The following SMYD3 variants were observed in gnomAD, a reference collection of about 807,000 sequenced individuals.
SMYD3 encodes histone-lysine N-methyltransferase SMYD3.
SMYD3 carries 36 observed loss-of-function variants against 57.7 expected under a neutral mutation model. The observed-to-expected ratio is 0.62, with a 90% CI of 0.48 to 0.82. The LOEUF (loss-of-function observed/expected upper bound fraction) is 0.82. Among genes scored for constraint, SMYD3 ranks in the 40% least tolerant of loss-of-function variants. The pLI is 0.00. For synonymous variants in SMYD3, 211 were observed against 195.0 expected, an observed-to-expected ratio of 1.08 and a Z score of -0.68; for missense variants, 515 against 538.8, an observed-to-expected ratio of 0.96 and a Z score of 0.44.
chr1:245,800,962 G>C (rs997880818), intron 10 of SMYD3, among the ~76,000 whole-genome samples: 1 of 152,184 alleles, frequency 6.6e-6, no homozygotes, highest in African/African-American at 2.4e-5. Flanking sequence ...TTTCATTACA[G>C]AATGTGGGGT....
intron 1 of SMYD3, among the ~76,000 whole-genome samples, chr1:246,481,619 T>C (rs1325722728): frequency 3.1e-4 from 30 of 95,492 alleles, no homozygotes; most frequent in African/African-American, 1.3e-3. Flanking sequence ...CACATACATA[T>C]ATACATACAT....
chr1:245,781,553 C>A (rs983441374), intron 10 of SMYD3, among the ~76,000 whole-genome samples: 3 of 152,164 alleles, frequency 2.0e-5, no homozygotes, highest in African/African-American at 7.2e-5. Context: ...TGCAAGTAAC[C>A]CCATTTCCAT....
intron 2 of SMYD3, among the ~76,000 whole-genome samples, chr1:246,351,409 T>C (rs562978785): frequency 6.6e-6 from 1 of 152,336 alleles, no homozygotes; most frequent in Non-Finnish European, 1.5e-5. Context: ...ATTTTTTGTT[T>C]TGAAAATGCT....
chr1:246,290,374 C>T (rs1310203449), intron 5 of SMYD3, among the ~76,000 whole-genome samples: 6 of 152,140 alleles, frequency 3.9e-5, no homozygotes, highest in Admixed American at 2.0e-4. Flanking sequence ...CCCTGAAAAC[C>T]CTAGTAAAGC....
chr1:246,235,575 G>T (rs1009534991), intron 5 of SMYD3, among the ~76,000 whole-genome samples: 12 of 152,158 alleles, frequency 7.9e-5, no homozygotes, highest in African/African-American at 2.9e-4. Flanking sequence ...TGTATGGTGA[G>T]CCACCTCCAG....
chr1:245,972,978 G>C (rs1437413423), intron 5 of SMYD3, among the ~76,000 whole-genome samples: 1 of 152,130 alleles, frequency 6.6e-6, no homozygotes, highest in African/African-American at 2.4e-5. Context: ...TATAATGCCT[G>C]GCACAAATTG....
intron 5 of SMYD3, among the ~76,000 whole-genome samples, chr1:246,192,472 T>C (rs1341050669): frequency 6.6e-6 from 1 of 151,946 alleles, no homozygotes; most frequent in African/African-American, 2.4e-5. Context: ...CCCAGGCTGG[T>C]GTCGAACTCC....
intron 10 of SMYD3, among the ~76,000 whole-genome samples, chr1:245,801,610 A>G (rs1248555685): frequency 2.6e-5 from 4 of 152,202 alleles, no homozygotes; most frequent in Non-Finnish European, 5.9e-5. Flanking sequence ...AAGTGTGACA[A>G]TGATTTCGAT....
At chr1:246,192,203 A>T (rs1007617776) in intron 5 of SMYD3, among the ~76,000 whole-genome samples, 2 of 152,154 alleles carry the variant, frequency 1.3e-5, no homozygotes, top group Non-Finnish European at 2.9e-5. Flanking sequence ...AGCTCAAGCG[A>T]TCCTCCTTCC....
chr1:246,007,199 T>C (rs2059189921), intron 5 of SMYD3, among the ~76,000 whole-genome samples: 1 of 152,220 alleles, frequency 6.6e-6, no homozygotes, highest in Admixed American at 6.5e-5. Flanking sequence ...GGACCGTAAC[T>C]TATCCTTCCC....
chr1:245,781,735 C>T (rs1165799341), intron 10 of SMYD3, among the ~76,000 whole-genome samples: 7 of 152,150 alleles, frequency 4.6e-5, no homozygotes, highest in Admixed American at 1.3e-4. Flanking sequence ...AATCCCAGCA[C>T]TTTGGGAGGC....
chr1:245,795,139 T>C (rs1307298419), intron 10 of SMYD3, among the ~76,000 whole-genome samples: 1 of 152,158 alleles, frequency 6.6e-6, no homozygotes, highest in Non-Finnish European at 1.5e-5. Context: ...TTGAACAGGA[T>C]CTTAAATGCT....
intron 1 of SMYD3, among the ~76,000 whole-genome samples, chr1:246,486,311 T>C (rs1253595605): frequency 6.6e-6 from 1 of 152,184 alleles, no homozygotes; most frequent in Non-Finnish European, 1.5e-5. Flanking sequence ...ATGACATAAG[T>C]ATTAACAGGT....
chr1:246,170,274 TATATATTATGTATGAA>T (rs1379190686), intron 5 of SMYD3, among the ~76,000 whole-genome samples: 2 of 152,136 alleles, frequency 1.3e-5, no homozygotes, highest in Non-Finnish European at 2.9e-5. Context: ...AATAGTGTGA[TATATATTATGTATGAA>T]ATATAATCCA....
rs145575646 is a variant in SMYD3, at chr1:246,149,799, G to A, written c.531+177402C>T. 9.0e-4 allele frequency among the ~76,000 whole-genome samples: 137 copies of A among 152,236 alleles called. 1 individual carries two copies. The highest frequency in any genetic ancestry group is 2.8e-3 in the African/African-American group (118 of 41,530). ...TCATCCCTTTCAAAATAGAGATCAC[G>A]ATTCTAAGGAGCATCCTTGAAAGCA... is the stretch of plus-strand genomic sequence containing the variant. On this transcript the variant is annotated intron_variant, in intron 5 of 11. Transcript: ENST00000490107.
At chr1:245,945,007 A>G (rs1243537115) in intron 5 of SMYD3, among the ~76,000 whole-genome samples, 1 of 152,206 alleles carries the variant, frequency 6.6e-6, no homozygotes, top group Non-Finnish European at 1.5e-5. Context: ...TAAAGACATA[A>G]ATATAAAACA....
intron 5 of SMYD3, among the ~76,000 whole-genome samples, chr1:246,318,932 T>G (rs1168347515): frequency 6.6e-6 from 1 of 152,182 alleles, no homozygotes; most frequent in Non-Finnish European, 1.5e-5. Flanking sequence ...TATTAACACA[T>G]AAGTGAAAAG....
chr1:246,061,962 A>G (rs1473341313), intron 5 of SMYD3, among the ~76,000 whole-genome samples: 1 of 152,208 alleles, frequency 6.6e-6, no homozygotes, highest in Non-Finnish European at 1.5e-5. Flanking sequence ...ACGTTACAAT[A>G]TAAAAATCTG....
intron 1 of SMYD3, among the ~76,000 whole-genome samples, chr1:246,379,938 T>C (rs892295161): frequency 2.0e-5 from 3 of 150,274 alleles, no homozygotes; most frequent in Non-Finnish European, 3.0e-5. Context: ...AGGTGGAGGT[T>C]GCACCTCCCA....
Sources: allele counts gnomAD v4.1 joint callset (sites outside exome capture counted in the v4.1 genomes callset), GRCh38; gene constraint gnomAD v4.1.1; transcripts MANE v1.5; gene names NCBI Gene and HGNC (gene_info 2026-07-23, HGNC 2026-07-21).